Variants in NEK5 observed in about 807,000 individuals in gnomAD.
The protein encoded by NEK5 is NIMA related kinase 5, also known as serine/threonine-protein kinase Nek5.
Under a neutral mutation model 109.2 loss-of-function variants are expected in NEK5, and 88 were observed. The observed-to-expected ratio is 0.81, with a 90% CI of 0.68 to 0.96. The LOEUF (loss-of-function observed/expected upper bound fraction) is 0.96, where lower values mean the gene tolerates loss of function less well. Ranked by LOEUF, NEK5 falls within the 40% of genes least tolerant of loss-of-function variation. The pLI is 0.00. For missense variants in NEK5, 834 were observed against 920.7 expected, an observed-to-expected ratio of 0.91 and a Z score of 1.22; for synonymous variants, 283 against 299.9, an observed-to-expected ratio of 0.94 and a Z score of 0.58.
At position 52,087,322 on chromosome 13, in the gene NEK5, T is replaced by A. The variant is rs1955168345; in HGVS notation, c.1392+16A>T. 1 of 1,239,132 alleles carries A rather than the reference T, an allele frequency of 8.1e-7. No individual in the cohort carries two copies. Among genetic ancestry groups the A allele is most frequent in the Non-Finnish European group, 1.2e-6 (1 of 840,008 alleles). 76.8% of individuals were successfully genotyped at this position (1,239,132 alleles called of 1,614,324 possible). A position where few individuals can be genotyped will look rare whatever the true frequency, so the allele number is the denominator to read the frequency against. On this transcript the variant is annotated intron_variant, in intron 15 of 23. Transcript: ENST00000684899. ...AAGAAATACAAGGGTAGCCCTGGAA[T>A]TAAACAGTTTTTAACCTGTTCCTTC... is the stretch of plus-strand genomic sequence containing the variant.
At chr13:52,054,516 A>G (rs7332356) in intron 22 of NEK5, among the ~76,000 whole-genome samples, 78,511 of 152,054 alleles carry the variant, frequency 0.52, 22,885 homozygotes, top group Non-Finnish European at 0.65. Context: ...TTCCAAAAAG[A>G]CAGCAGTAAC....
intron 3 of NEK5, among the ~76,000 whole-genome samples, chr13:52,126,382 AT>A (rs1247155780): frequency 6.6e-6 from 1 of 152,242 alleles, no homozygotes; most frequent in East Asian, 1.9e-4. Context: ...TTTAGCACCT[AT>A]TATGTGACAG....
At chr13:52,079,039 C>T (rs1290159114) in intron 17 of NEK5, among the ~76,000 whole-genome samples, 3 of 152,186 alleles carry the variant, frequency 2.0e-5, no homozygotes, top group Non-Finnish European at 4.4e-5. Context: ...ATGCTTCAAA[C>T]TGACACAGGC....
intron 3 of NEK5, among the ~76,000 whole-genome samples, chr13:52,124,119 G>A (rs1030873084): frequency 2.0e-5 from 3 of 152,124 alleles, no homozygotes; most frequent in Admixed American, 2.0e-4. Context: ...AACATAGCAA[G>A]ATCCTGTCTC....
At position 52,063,553 on chromosome 13, in the gene NEK5, G is replaced by A. The variant is rs1362960827; in HGVS notation, c.1976-1600C>T. On this transcript the variant is annotated intron_variant, in intron 21 of 23. Coordinates refer to ENST00000684899, the MANE Select transcript of NEK5 (RefSeq NM_001365552.1). Reference sequence around the variant, plus strand: ...CCGCCCATCGTCTGGGACGTGAGGAGCCCCTCTGCCTGGCTGCCCAGTCTG... The same window carrying A: ...CCGCCCATCGTCTGGGACGTGAGGAACCCCTCTGCCTGGCTGCCCAGTCTG... Among the ~76,000 whole-genome samples, 173 of 147,964 alleles carry A rather than the reference G, an allele frequency of 1.2e-3. 5 individuals are homozygous for A. The East Asian group carries it at 0.024, about 21-fold the overall frequency.
At chr13:52,123,369 A>G (rs554234934) in intron 3 of NEK5, among the ~76,000 whole-genome samples, 2 of 152,352 alleles carry the variant, frequency 1.3e-5, no homozygotes, top group Admixed American at 1.3e-4. Flanking sequence ...CTCTATTAGA[A>G]AAATATAGTC....
chr13:52,103,630 A>G (rs982173258), intron 9 of NEK5, among the ~76,000 whole-genome samples: 2 of 152,382 alleles, frequency 1.3e-5, no homozygotes, highest in African/African-American at 2.4e-5. Context: ...CTGAATGTCA[A>G]GAGTGGCTAT....
chr13:52,084,767 G>A (rs1196305856), intron 16 of NEK5, among the ~76,000 whole-genome samples: 2 of 42,096 alleles, frequency 4.8e-5, no homozygotes, highest in African/African-American at 1.4e-4. Flanking sequence ...GAGAGAGTGT[G>A]TGTGTGTGTG....
At chr13:52,089,381 A>G (rs1268573540) in intron 13 of NEK5, 68 bp from the exon 14 acceptor site, 1 of 988,158 alleles carries the variant, frequency 1.0e-6, no homozygotes, top group Non-Finnish European at 1.6e-6. Context: ...TTTGACGAGT[A>G]ATTTTCAGTT....
chr13:52,082,586 C>T (rs905255411), intron 17 of NEK5, among the ~76,000 whole-genome samples: 4 of 152,112 alleles, frequency 2.6e-5, no homozygotes, highest in African/African-American at 9.7e-5. Flanking sequence ...GAAAAAAACT[C>T]TCTTGAGATT....
At chr13:52,126,866 A>G (rs1956072800) in intron 3 of NEK5, among the ~76,000 whole-genome samples, 1 of 151,982 alleles carries the variant, frequency 6.6e-6, no homozygotes, top group East Asian at 1.9e-4. Flanking sequence ...CTGGGGGTCT[A>G]CTCTAGCTAG....
intron 20 of NEK5, among the ~76,000 whole-genome samples, chr13:52,069,608 C>A (rs545406953): frequency 6.5e-4 from 99 of 152,288 alleles, no homozygotes; most frequent in African/African-American, 2.3e-3. Context: ...TCTCTCCCGA[C>A]CCCATTACCC....
rs1273784701 is a variant in NEK5, at chr13:52,050,187, T to A, written c.2145A>T (p.Glu715Asp). 3 of 985,610 alleles carry A rather than the reference T, an allele frequency of 3.0e-6. No homozygotes were observed. Among genetic ancestry groups the A allele is most frequent in the Non-Finnish European group, 3.6e-6 (3 of 829,776 alleles). The allele number at this position is 985,610 out of a possible 1,614,324, so 61.1% of individuals were successfully genotyped here. ...CCATTTCTACCTTCCCTTCATCTTCTTCTTTGGGTAGCCATTGTTTTAATG... is the reference window on the plus strand; with the variant it reads ...CCATTTCTACCTTCCCTTCATCTTCATCTTTGGGTAGCCATTGTTTTAATG... Reference protein sequence around the residue: ...MGTLKQWLPKEEDEGKVEMVS... With the variant: ...MGTLKQWLPKDEDEGKVEMVS... Residue 715 changes from glutamate (E) to aspartate (D), a missense_variant, in exon 23 of 24, where the codon GAA (glutamate) becomes GAT (aspartate). Physicochemically the swap from Glu to Asp is conservative, Grantham distance 45. Transcript: ENST00000684899.
Position 52,083,303 on chromosome 13 carries a change from A to G in NEK5, c.1529T>C (p.Leu510Pro). The G allele has an allele frequency of 1.9e-6, 3 of 1,613,432 alleles. No individual in the cohort carries two copies. The highest frequency in any genetic ancestry group is 2.5e-6 in the Non-Finnish European group (3 of 1,179,374). Residue 510 changes from leucine to proline, a missense_variant, in exon 17 of 24, where the codon CTG becomes CCG. By Grantham distance (98) the Leu-to-Pro change is moderately conservative (BLOSUM62 -3). Coordinates refer to ENST00000684899, the MANE Select transcript of NEK5 (RefSeq NM_001365552.1). ...HKTYLVKKSNLPVHQDASEGE... is the reference protein window; with the variant it reads ...HKTYLVKKSNPPVHQDASEGE... Reference sequence around the variant, plus strand: ...CTCAGATGCATCTTGATGGACAGGCAGGTTACTCTTCTTCACCAAATAGGT... The same window carrying G: ...CTCAGATGCATCTTGATGGACAGGCGGGTTACTCTTCTTCACCAAATAGGT...
intron 8 of NEK5, 125 bp from the exon 9 acceptor site, chr13:52,104,677 A>G (rs1004173087): frequency 9.3e-5 from 65 of 695,648 alleles, no homozygotes; most frequent in Middle Eastern, 4.0e-4. Flanking sequence ...GCTTTTACAA[A>G]TGCTTTCAGA....
chr13:52,124,560 T>C (rs1956029546), intron 3 of NEK5, among the ~76,000 whole-genome samples: 1 of 152,236 alleles, frequency 6.6e-6, no homozygotes, highest in Admixed American at 6.5e-5. Context: ...ACATTTGTTT[T>C]CTAACTGTTT....
At chr13:52,124,015 A>G (rs1302108690) in intron 3 of NEK5, among the ~76,000 whole-genome samples, 1 of 152,232 alleles carries the variant, frequency 6.6e-6, no homozygotes, top group East Asian at 1.9e-4. Context: ...AAACAATATA[A>G]AAGCACAAGG....
intron 20 of NEK5, among the ~76,000 whole-genome samples, chr13:52,068,271 C>A (rs1954722519): frequency 1.3e-5 from 2 of 152,062 alleles, no homozygotes; most frequent in South Asian, 4.1e-4. Context: ...GGTCGTGAGA[C>A]AAAGAGTTCT....
chr13:52,086,490 A>G, intron 15 of NEK5, 127 bp from the exon 16 acceptor site: 1 of 661,754 alleles, frequency 1.5e-6, no homozygotes, highest in Non-Finnish European at 2.7e-6. Context: ...TGTTGCTCCT[A>G]AAGATGATAA....
Sources: allele counts gnomAD v4.1 joint callset (sites outside exome capture counted in the v4.1 genomes callset), GRCh38; gene constraint gnomAD v4.1.1; transcripts MANE v1.5; gene names NCBI Gene and HGNC (gene_info 2026-07-23, HGNC 2026-07-21).